The following ZBTB7C variants were observed in gnomAD, a reference collection of about 807,000 sequenced individuals.
ZBTB7C encodes the protein zinc finger and BTB domain containing 7C.
A neutral mutation model predicts 25.7 loss-of-function variants in ZBTB7C; 8 were observed. That is an observed-to-expected ratio of 0.31 (90% CI 0.18 to 0.56). The LOEUF (loss-of-function observed/expected upper bound fraction) is 0.56. ZBTB7C is among the 20% of genes least tolerant of loss of function. The pLI is 0.91. For synonymous variants in ZBTB7C, 394 were observed against 369.0 expected (o/e 1.07, Z -0.78); for missense variants, 824 against 855.2 (o/e 0.96, Z 0.46).
chr18:48,235,946 T>A (rs2043368230), intron 2 of ZBTB7C, among the ~76,000 whole-genome samples: 1 of 152,212 alleles, frequency 6.6e-6, no homozygotes, highest in Non-Finnish European at 1.5e-5. Context: ...TTTACTCCCC[T>A]AATTTGAGAA....
chr18:48,167,223 C>G (rs2041279781), intron 3 of ZBTB7C, among the ~76,000 whole-genome samples: 1 of 152,198 alleles, frequency 6.6e-6, no homozygotes. Context: ...TCTCTCACAA[C>G]CGCCTTCACT....
intron 1 of ZBTB7C, among the ~76,000 whole-genome samples, chr18:48,362,783 A>G (rs1339373572): frequency 6.6e-6 from 1 of 152,204 alleles, no homozygotes; most frequent in African/African-American, 2.4e-5. Flanking sequence ...CGAAGAAGGT[A>G]CAGGAGTTCC....
rs777241771 is a variant in ZBTB7C at position 48,029,410 on chromosome 18, C to A, written c.1710G>T (p.Ala570=). Residue 570 remains alanine, a synonymous_variant, in exon 5 of 5, where the codon GCG becomes GCT. Coordinates refer to ENST00000590800, the MANE Select transcript of ZBTB7C (RefSeq NM_001318841.2). ...CCAGCGCGAAGGCCAGGAGGCCCCC[C>A]GCGTTCCTCTCAGCCTCCAGCTGCG... The part of the protein sequence containing the change: ...GRAQLEAERN[A]GGLLAFALAE... 1.6e-5 allele frequency: 25 copies of A among 1,574,630 alleles called. No individual in the cohort carries two copies. Among genetic ancestry groups the A allele is most frequent in the Middle Eastern group, 3.3e-4 (2 of 5,998 alleles).
intron 3 of ZBTB7C, among the ~76,000 whole-genome samples, chr18:48,160,750 A>G (rs1355923595): frequency 6.6e-6 from 1 of 151,992 alleles, no homozygotes; most frequent in Non-Finnish European, 1.5e-5. Flanking sequence ...CAGCCTTGGG[A>G]TGAGTGAGAA....
chr18:48,311,335 G>A (rs551451852), intron 2 of ZBTB7C, among the ~76,000 whole-genome samples: 4 of 152,172 alleles, frequency 2.6e-5, no homozygotes, highest in Non-Finnish European at 5.9e-5. Flanking sequence ...AATATCTGCT[G>A]AATGAAGAAA....
intron 2 of ZBTB7C, among the ~76,000 whole-genome samples, chr18:48,195,503 T>C (rs1014568135): frequency 6.6e-6 from 1 of 152,242 alleles, no homozygotes; most frequent in African/African-American, 2.4e-5. Flanking sequence ...CCTTTTGCCA[T>C]GATGGTGAGG....
At chr18:48,199,299 G>A (rs1305121134) in intron 2 of ZBTB7C, among the ~76,000 whole-genome samples, 1 of 152,086 alleles carries the variant, frequency 6.6e-6, no homozygotes, top group Non-Finnish European at 1.5e-5. Context: ...CTCCATTTCT[G>A]GAACTCCTAC....
chr18:48,110,272 G>A (rs1444233404), intron 3 of ZBTB7C, among the ~76,000 whole-genome samples: 1 of 152,074 alleles, frequency 6.6e-6, no homozygotes. Context: ...TAAGGACGCC[G>A]TGCCACTCCC....
At chr18:48,393,317 C>T (rs2047946874) in intron 1 of ZBTB7C, among the ~76,000 whole-genome samples, 1 of 148,518 alleles carries the variant, frequency 6.7e-6, no homozygotes, top group African/African-American at 2.5e-5. Flanking sequence ...CCTTGGCTCC[C>T]TTCTGCAGGG....
chr18:48,328,677 G>C (rs1325375416), intron 2 of ZBTB7C, among the ~76,000 whole-genome samples: 1 of 152,104 alleles, frequency 6.6e-6, no homozygotes. Context: ...AGCTGGGCTG[G>C]AACGCCTATC....
intron 2 of ZBTB7C, among the ~76,000 whole-genome samples, chr18:48,270,464 G>A (rs1260087676): frequency 6.6e-6 from 1 of 150,790 alleles, no homozygotes. Flanking sequence ...GGGAGGCCCA[G>A]GTGGGCGGAT....
intron 1 of ZBTB7C, among the ~76,000 whole-genome samples, chr18:48,373,862 A>G (rs747132759): frequency 3.9e-5 from 6 of 151,962 alleles, no homozygotes; most frequent in Admixed American, 3.3e-4. Flanking sequence ...TCGGGGGGCT[A>G]AGGAAGGAGA....
In ZBTB7C at chr18:48,343,940, G is replaced by T. The variant is rs573323634; in HGVS notation, c.-303-5542C>A. On this transcript the variant is annotated intron_variant, in intron 1 of 4. Transcript: ENST00000590800. ...AGGCTATGCACCTGGCTAGGAGTGG[G>T]GCTTCTACCCTGGAGCCATGGGGAT... Among the ~76,000 whole-genome samples, 22 of 152,146 alleles carry T rather than the reference G, an allele frequency of 1.4e-4. No homozygotes were observed. The South Asian group carries it at 2.5e-3, about 17-fold the overall frequency.
At chr18:48,272,373 A>T (rs1028745379) in intron 2 of ZBTB7C, among the ~76,000 whole-genome samples, 1 of 152,224 alleles carries the variant, frequency 6.6e-6, no homozygotes, top group African/African-American at 2.4e-5. Context: ...TCTGAGACTT[A>T]TACCCTTGGA....
chr18:48,201,294 C>A (rs929083503), intron 2 of ZBTB7C, among the ~76,000 whole-genome samples: 9 of 152,308 alleles, frequency 5.9e-5, no homozygotes, highest in East Asian at 3.9e-4. Context: ...AACAATTAAA[C>A]CCTCCTCTGA....
intron 2 of ZBTB7C, among the ~76,000 whole-genome samples, chr18:48,205,545 T>C (rs1199946122): frequency 6.6e-6 from 1 of 151,924 alleles, no homozygotes; most frequent in Non-Finnish European, 1.5e-5. Flanking sequence ...AGGAAGGAAA[T>C]AGACATCTTA....
intron 2 of ZBTB7C, among the ~76,000 whole-genome samples, chr18:48,328,249 C>T (rs1193043528): frequency 2.0e-5 from 3 of 151,606 alleles, no homozygotes; most frequent in African/African-American, 7.3e-5. Flanking sequence ...TAGTTTGATC[C>T]CATTTTTGTT....
At chr18:48,321,233 TG>T (rs1336991606) in intron 2 of ZBTB7C, among the ~76,000 whole-genome samples, 1 of 152,178 alleles carries the variant, frequency 6.6e-6, no homozygotes, top group African/African-American at 2.4e-5. Context: ...CTCTCCCTTG[TG>T]GGTGTGTCAT....
intron 2 of ZBTB7C, among the ~76,000 whole-genome samples, chr18:48,201,547 C>T (rs2042447902): frequency 6.9e-6 from 1 of 144,518 alleles, no homozygotes; most frequent in Non-Finnish European, 1.6e-5. Flanking sequence ...ACATCTTCTT[C>T]CCCCCGTTTC....
Sources: allele counts gnomAD v4.1 joint callset (sites outside exome capture counted in the v4.1 genomes callset), GRCh38; gene constraint gnomAD v4.1.1; transcripts MANE v1.5; gene names NCBI Gene and HGNC (gene_info 2026-07-23, HGNC 2026-07-21).